The following SMARCC1 variants were observed in gnomAD, a reference collection of about 807,000 sequenced individuals.
SMARCC1 encodes SWI/SNF complex subunit SMARCC1.
Under a neutral mutation model 147.4 loss-of-function variants are expected in SMARCC1, and 43 were observed. The observed-to-expected ratio is 0.29, with a 90% CI of 0.23 to 0.38. SMARCC1 has a LOEUF of 0.38. Ranked by LOEUF, SMARCC1 falls within the 10% of genes least tolerant of loss-of-function variation. The pLI is 1.00. For synonymous variants in SMARCC1, 495 were observed against 484.4 expected (o/e 1.02, Z -0.29); for missense variants, 1,119 against 1,381.1 (o/e 0.81, Z 3.01).
chr3:47,698,374 C>T (rs574825715), intron 11 of SMARCC1, among the ~76,000 whole-genome samples: 179 of 151,930 alleles, frequency 1.2e-3, no homozygotes, highest in African/African-American at 4.0e-3. Flanking sequence ...TGTGTTCTTT[C>T]GAAGACAGAG....
At position 47,676,659 on chromosome 3, in the gene SMARCC1, C is replaced by T; in HGVS notation, c.1695G>A (p.Gly565=). Residue 565 remains glycine, a synonymous_variant, in exon 17 of 28, where the codon GGG becomes GGA. Coordinates refer to ENST00000254480, the MANE Select transcript of SMARCC1 (RefSeq NM_003074.4). Reference sequence around the variant, plus strand: ...GTGATCGAAGATGCAGAGGCACAAGCCCAGAGGGGGTATCAGCTAATACAT... The same window carrying T: ...GTGATCGAAGATGCAGAGGCACAAGTCCAGAGGGGGTATCAGCTAATACAT... ...HFNVLADTPS[G]LVPLHLRSPQ... 10 of 1,613,828 alleles carry T rather than the reference C, an allele frequency of 6.2e-6. No individual in the cohort carries two copies.
chr3:47,608,471 G>A (rs960097474), intron 26 of SMARCC1, among the ~76,000 whole-genome samples: 2 of 152,048 alleles, frequency 1.3e-5, no homozygotes, highest in Non-Finnish European at 2.9e-5. Context: ...TGGATGATCC[G>A]ACTGACAACA....
Position 47,588,272 on chromosome 3 carries a change from T to TGGTGGC in SMARCC1, c.3249_3254dup (p.Pro1086_Pro1087dup). 5 of 1,613,734 alleles carry TGGTGGC rather than the reference T, an allele frequency of 3.1e-6. No individual in the cohort carries two copies. The African/African-American group carries it at 4.0e-5, about 13-fold the overall frequency. ...GCGGAGGGACCCCATCTGCAGGTGG[T>TGGTGGC]GGTGGCGGTGGCTGCTGCTGTGGTG... On this transcript the variant is annotated inframe_insertion, in exon 28 of 28. Coordinates refer to ENST00000254480, the MANE Select transcript of SMARCC1 (RefSeq NM_003074.4).
At chr3:47,683,684 G>A (rs1349763734) in intron 14 of SMARCC1, among the ~76,000 whole-genome samples, 6 of 151,214 alleles carry the variant, frequency 4.0e-5, no homozygotes, top group African/African-American at 2.4e-5. Context: ...AGATTGCGCC[G>A]CTGCACTCCA....
At chr3:47,776,923 C>T (rs2034981370) in intron 1 of SMARCC1, among the ~76,000 whole-genome samples, 1 of 151,832 alleles carries the variant, frequency 6.6e-6, no homozygotes, top group Non-Finnish European at 1.5e-5. Context: ...TACAGGCATG[C>T]GTCACCACAT....
intron 7 of SMARCC1, among the ~76,000 whole-genome samples, chr3:47,719,334 GA>G (rs2034202026): frequency 6.6e-6 from 1 of 152,092 alleles, no homozygotes. Flanking sequence ...ATAAATTTCT[GA>G]TGAGAAAACT....
intron 7 of SMARCC1, among the ~76,000 whole-genome samples, chr3:47,714,793 C>T (rs756243779): frequency 3.3e-5 from 5 of 151,902 alleles, no homozygotes; most frequent in African/African-American, 1.2e-4. Context: ...TACCCTATCT[C>T]GAAACAAAAC....
chr3:47,663,616 T>C, intron 19 of SMARCC1: 1 of 1,501,422 alleles, frequency 6.7e-7, no homozygotes, highest in East Asian at 2.3e-5. Context: ...GGCCCAGACA[T>C]GGCGACTCCG....
At chr3:47,707,307 G>A (rs952995332) in intron 9 of SMARCC1, among the ~76,000 whole-genome samples, 1 of 147,612 alleles carries the variant, frequency 6.8e-6, no homozygotes, top group African/African-American at 2.5e-5. Flanking sequence ...GTAAGACTCC[G>A]TCTCAAAGAA....
intron 10 of SMARCC1, among the ~76,000 whole-genome samples, chr3:47,705,310 C>T (rs1324062346): frequency 1.5e-4 from 16 of 109,718 alleles, no homozygotes; most frequent in Admixed American, 5.6e-4. Flanking sequence ...GGTAACAGAG[C>T]GAGACTCCGT....
At chr3:47,744,759 A>C (rs2034548164) in intron 3 of SMARCC1, among the ~76,000 whole-genome samples, 1 of 152,152 alleles carries the variant, frequency 6.6e-6, no homozygotes, top group Non-Finnish European at 1.5e-5. Flanking sequence ...TAACTGATGG[A>C]AACTCCAGAG....
rs548929477 is a variant in SMARCC1 at position 47,587,930 on chromosome 3, C to G, written c.*279G>C. 2.4e-6 allele frequency: 1 copy of G among 421,326 alleles called. No individual in the cohort carries two copies. Among genetic ancestry groups the G allele is most frequent in the South Asian group, 3.4e-5 (1 of 29,760 alleles). 26.1% of individuals were successfully genotyped at this position (421,326 alleles called of 1,614,324 possible). ...TTGACAGGACCTGCAGAGAAACTGT[C>G]AGCTTACTCCCACACCAGGACAGGG... On this transcript the variant is annotated 3_prime_UTR_variant, in exon 28 of 28. Transcript: ENST00000254480.
At chr3:47,768,640 T>C (rs1356574184) in intron 2 of SMARCC1, among the ~76,000 whole-genome samples, 1 of 152,140 alleles carries the variant, frequency 6.6e-6, no homozygotes, top group Non-Finnish European at 1.5e-5. Flanking sequence ...AATTAAACTA[T>C]TGAAAACCTC....
At position 47,781,888 on chromosome 3, in the gene SMARCC1, G is replaced by A. The variant is rs991083182; in HGVS notation, c.-91C>T. On this transcript the variant is annotated 5_prime_UTR_variant, in exon 1 of 28. Coordinates refer to ENST00000254480, the MANE Select transcript of SMARCC1 (RefSeq NM_003074.4). Reference sequence around the variant, plus strand: ...CGCGCGCACCCCCGCGCGCGTAGCCGCCACTGCCGCTTCCCGGCCCCGCCC... The same window carrying A: ...CGCGCGCACCCCCGCGCGCGTAGCCACCACTGCCGCTTCCCGGCCCCGCCC... 5.7e-6 allele frequency: 5 copies of A among 883,666 alleles called. No individual in the cohort carries two copies. The highest frequency in any genetic ancestry group is 4.5e-5 in the Admixed American group (1 of 22,386). 54.7% of individuals were successfully genotyped at this position (883,666 alleles called of 1,614,324 possible).
At chr3:47,725,206 G>A (rs988194899) in intron 6 of SMARCC1, among the ~76,000 whole-genome samples, 4 of 151,868 alleles carry the variant, frequency 2.6e-5, no homozygotes, top group Non-Finnish European at 5.9e-5. Flanking sequence ...TAAATGAAAA[G>A]AGTGAGACAT....
intron 21 of SMARCC1, among the ~76,000 whole-genome samples, chr3:47,640,681 A>G (rs7613934): frequency 0.6 from 90,419 of 151,860 alleles, 28,171 homozygotes; most frequent in East Asian, 0.72. Context: ...ATCTTACATA[A>G]TATTTCCTAG....
At chr3:47,633,146 G>A (rs867116747) in intron 24 of SMARCC1, among the ~76,000 whole-genome samples, 15 of 152,250 alleles carry the variant, frequency 9.9e-5, no homozygotes, top group Middle Eastern at 6.8e-3. Flanking sequence ...TCACAAAGGT[G>A]TAGGCTTCAG....
chr3:47,720,455 C>T (rs73083198), intron 7 of SMARCC1, among the ~76,000 whole-genome samples: 2,268 of 152,156 alleles, frequency 0.015, 31 homozygotes, highest in Non-Finnish European at 0.023. Context: ...TAAATAAAGC[C>T]ATTTATGGCT....
At chr3:47,675,454 A>G (rs769745980) in intron 18 of SMARCC1, 21 bp downstream of exon 18, 1 of 1,172,294 alleles carries the variant, frequency 8.5e-7, no homozygotes, top group South Asian at 1.2e-5. Flanking sequence ...ATTGCAGCCC[A>G]TGTGTGATTA....
Sources: gnomAD v4.1 joint callset for allele counts (sites outside exome capture counted in the v4.1 genomes callset) on GRCh38, gnomAD v4.1.1 for gene constraint, MANE v1.5 for transcripts, NCBI Gene and HGNC (gene_info 2026-07-23, HGNC 2026-07-21) for gene names.